TRPM3: variants seen among roughly 807,000 people sequenced by gnomAD.
TRPM3 encodes long transient receptor potential channel 3.
A neutral mutation model predicts 181.2 loss-of-function variants in TRPM3; 77 were observed. That is an observed-to-expected ratio of 0.42 (90% CI 0.35 to 0.51). TRPM3 has a LOEUF of 0.51. TRPM3 is among the 20% of genes least tolerant of loss of function. TRPM3 has a pLI of 0.01. For missense variants in TRPM3, 1,759 were observed against 2,196.7 expected (o/e 0.80, Z 3.98); for synonymous variants, 745 against 796.4 (o/e 0.94, Z 1.09).
intron 1 of TRPM3, among the ~76,000 whole-genome samples, chr9:71,273,323 GC>G (rs1213811140): frequency 2.6e-5 from 4 of 152,144 alleles, no homozygotes. Context: ...CCACAGCAAA[GC>G]CATAATTACT....
intron 25 of TRPM3, among the ~76,000 whole-genome samples, chr9:70,545,708 T>G (rs963151204): frequency 1.3e-5 from 2 of 151,962 alleles, no homozygotes; most frequent in Non-Finnish European, 2.9e-5. Flanking sequence ...CCACCATGCC[T>G]GACTAATTTT....
At chr9:70,982,907 G>A (rs989386126) in intron 1 of TRPM3, among the ~76,000 whole-genome samples, 4 of 151,934 alleles carry the variant, frequency 2.6e-5, no homozygotes, top group African/African-American at 9.7e-5. Context: ...CGCCATGTTG[G>A]CCAGGCTGGT....
chr9:70,796,550 T>G (rs1254114547), intron 6 of TRPM3, among the ~76,000 whole-genome samples: 4 of 152,190 alleles, frequency 2.6e-5, no homozygotes, highest in African/African-American at 9.7e-5. Flanking sequence ...CATTGTGTGT[T>G]CTCATAGCAT....
At chr9:71,026,623 C>G (rs996466607) in intron 1 of TRPM3, among the ~76,000 whole-genome samples, 2 of 152,202 alleles carry the variant, frequency 1.3e-5, no homozygotes, top group African/African-American at 2.4e-5. Flanking sequence ...CTCCTATCAC[C>G]TCATAGCCAT....
chr9:70,664,014 A>C (rs2061471927), intron 9 of TRPM3, among the ~76,000 whole-genome samples: 1 of 152,234 alleles, frequency 6.6e-6, no homozygotes, highest in African/African-American at 2.4e-5. Flanking sequence ...TTTGAAGATT[A>C]AATAGATAAT....
intron 1 of TRPM3, among the ~76,000 whole-genome samples, chr9:71,372,620 T>C (rs2092551482): frequency 6.6e-6 from 1 of 152,228 alleles, no homozygotes; most frequent in African/African-American, 2.4e-5. Flanking sequence ...TTGAGCTTTT[T>C]ACCATATGCT....
chr9:71,336,912 G>A (rs915432363), intron 1 of TRPM3, among the ~76,000 whole-genome samples: 2 of 152,102 alleles, frequency 1.3e-5, no homozygotes, highest in African/African-American at 4.8e-5. Flanking sequence ...GCAGAAAACT[G>A]GAACTGGACC....
intron 1 of TRPM3, among the ~76,000 whole-genome samples, chr9:71,331,734 A>T (rs1433186155): frequency 3.2e-5 from 3 of 93,096 alleles, no homozygotes; most frequent in African/African-American, 1.3e-4. Flanking sequence ...AAGGAGGAGA[A>T]AAAGGAGGAG....
chr9:71,285,918 G>T (rs1213863427), intron 1 of TRPM3, among the ~76,000 whole-genome samples: 1 of 152,102 alleles, frequency 6.6e-6, no homozygotes, highest in Non-Finnish European at 1.5e-5. Context: ...TACATAAGCA[G>T]GAAGACTTAT....
At chr9:71,204,223 A>C (rs1227801425) in intron 1 of TRPM3, among the ~76,000 whole-genome samples, 2 of 151,150 alleles carry the variant, frequency 1.3e-5, no homozygotes, top group East Asian at 3.9e-4. Context: ...GGATCTAATT[A>C]AACTAAAGAG....
chr9:70,804,939 C>G (rs991652849), intron 6 of TRPM3, among the ~76,000 whole-genome samples: 2 of 152,186 alleles, frequency 1.3e-5, no homozygotes, highest in African/African-American at 4.8e-5. Context: ...TCCACCATGG[C>G]ATGCTGAACC....
Position 70,930,070 on chromosome 9 carries a change from T to G in TRPM3, c.178-65559A>C, listed in dbSNP as rs546706178. On this transcript the variant is annotated intron_variant, in intron 1 of 25. Transcript: ENST00000677713. ...ATCCTAATGGTAGTGAATAGTGGAG[T>G]TCGGGTGCAAGGTTTTGAGCTTCTC... 3.9e-5 allele frequency among the ~76,000 whole-genome samples: 6 copies of G among 152,078 alleles called. No homozygotes were observed. In the South Asian group the frequency reaches 1.3e-3, roughly 32 times the overall value.
intron 19 of TRPM3, among the ~76,000 whole-genome samples, chr9:70,607,335 T>C (rs1018983507): frequency 1.4e-4 from 22 of 152,220 alleles, no homozygotes; most frequent in African/African-American, 5.3e-4. Context: ...AATTGTACTG[T>C]TAAGCATGTC....
At chr9:70,548,403 T>G (rs530927504) in intron 25 of TRPM3, among the ~76,000 whole-genome samples, 1 of 152,338 alleles carries the variant, frequency 6.6e-6, no homozygotes, top group African/African-American at 2.4e-5. Context: ...CCTACTTACA[T>G]AGACTGAATT....
chr9:70,883,649 G>T (rs1275256157), intron 1 of TRPM3, among the ~76,000 whole-genome samples: 5 of 152,172 alleles, frequency 3.3e-5, no homozygotes, highest in Non-Finnish European at 5.9e-5. Flanking sequence ...GTTGAAAAAG[G>T]TAATGGTAGA....
chr9:70,600,133 C>T (rs2059629470), intron 20 of TRPM3, among the ~76,000 whole-genome samples: 1 of 152,204 alleles, frequency 6.6e-6, no homozygotes, highest in Non-Finnish European at 1.5e-5. Context: ...AGCTGGACAG[C>T]AGAAGTTGCA....
In TRPM3 at chr9:71,344,343, C is replaced by T. The variant is rs545450816; in HGVS notation, c.183+102310G>A. ...GCGCATGCCTGTAATCCCAGCTACT[C>T]GGGAGGCTGAGGCAGGAGAATTGCT... On this transcript the variant is annotated intron_variant, in intron 1 of 24. Transcript: ENST00000357533. Among the ~76,000 whole-genome samples the T allele has an allele frequency of 1.7e-3, 253 of 151,906 alleles. 1 individual carries two copies. The highest frequency in any genetic ancestry group is 2.6e-3 in the Non-Finnish European group (177 of 67,948).
At chr9:70,998,457 C>T (rs1324300501) in intron 1 of TRPM3, among the ~76,000 whole-genome samples, 1 of 151,984 alleles carries the variant, frequency 6.6e-6, no homozygotes, top group Non-Finnish European at 1.5e-5. Context: ...TGAACACCCC[C>T]TGAGGGAGGT....
chr9:70,549,735 T>C (rs2046003962), intron 24 of TRPM3, 61 bp from the exon 25 acceptor site: 24 of 1,526,788 alleles, frequency 1.6e-5, no homozygotes, highest in Non-Finnish European at 1.9e-5. Flanking sequence ...GGCATCTGAT[T>C]TGTGGGCCTA....
Sources: gnomAD v4.1 joint callset for allele counts (sites outside exome capture counted in the v4.1 genomes callset) on GRCh38, gnomAD v4.1.1 for gene constraint, MANE v1.5 for transcripts, NCBI Gene and HGNC (gene_info 2026-07-23, HGNC 2026-07-21) for gene names.